VAV2: variants seen among roughly 807,000 people sequenced by gnomAD.
The protein encoded by VAV2 is guanine nucleotide exchange factor VAV2.
A neutral mutation model predicts 132.5 loss-of-function variants in VAV2; 67 were observed. The ratio of observed to expected loss-of-function variants is 0.51; its 90% CI spans 0.42 to 0.62. The LOEUF is 0.62. VAV2 is among the 20% of genes least tolerant of loss of function. The pLI is 0.00. For synonymous variants in VAV2, 492 were observed against 443.5 expected (o/e 1.11, Z -1.37); for missense variants, 938 against 1,153.6 (o/e 0.81, Z 2.71).
chr9:133,841,082 C>G (rs1349970865), intron 3 of VAV2, among the ~76,000 whole-genome samples: 1 of 152,124 alleles, frequency 6.6e-6, no homozygotes, highest in South Asian at 2.1e-4. Context: ...GGACCCTAAA[C>G]ACAGCTGCCC....
At chr9:133,937,612 T>A (rs975570405) in intron 2 of VAV2, among the ~76,000 whole-genome samples, 1 of 152,032 alleles carries the variant, frequency 6.6e-6, no homozygotes, top group Non-Finnish European at 1.5e-5. Context: ...TTACCCAGGG[T>A]GCTGCAGGCA....
intron 2 of VAV2, among the ~76,000 whole-genome samples, chr9:133,905,506 T>C (rs1017669188): frequency 6.6e-6 from 1 of 150,388 alleles, no homozygotes; most frequent in Non-Finnish European, 1.5e-5. Context: ...ACCAAGGACA[T>C]GATGCCATCC....
intron 2 of VAV2, among the ~76,000 whole-genome samples, chr9:133,934,213 CT>C (rs56054201): frequency 0.81 from 123,471 of 152,014 alleles, 51,533 homozygotes; most frequent in East Asian, 0.93. Flanking sequence ...ACATGAGAGA[CT>C]TGGGGAGCCG....
intron 1 of VAV2, among the ~76,000 whole-genome samples, chr9:133,968,741 T>G (rs1178672793): frequency 2.0e-5 from 3 of 152,122 alleles, no homozygotes; most frequent in Non-Finnish European, 2.9e-5. Flanking sequence ...CATGGCACTG[T>G]CCTCTGTCAG....
At chr9:133,907,879 T>G (rs1338981570) in intron 2 of VAV2, among the ~76,000 whole-genome samples, 1 of 7,204 alleles carries the variant, frequency 1.4e-4, no homozygotes, top group Non-Finnish European at 2.7e-4. Flanking sequence ...TTTACCGCCC[T>G]CCCCCAGAGA....
rs1479254746 is a variant in VAV2, at chr9:133,885,072, A to G, written c.322-23640T>C. ...CCACAGTGACAGGCAGAGCCTAGATAAGTTGGGCCCTTCTGGAGGGTTCTC... is the reference window on the plus strand; with the variant it reads ...CCACAGTGACAGGCAGAGCCTAGATGAGTTGGGCCCTTCTGGAGGGTTCTC... On this transcript the variant is annotated intron_variant, in intron 2 of 29. Coordinates refer to ENST00000371850, the MANE Select transcript of VAV2 (RefSeq NM_001134398.2). This position sits in a 1 kb window ranked among gnomAD's most constrained non-coding sequence, Gnocchi z 5.0. Among the ~76,000 whole-genome samples, 1 of 152,236 alleles carries G rather than the reference A, an allele frequency of 6.6e-6. No individual in the cohort carries two copies. The highest frequency in any genetic ancestry group is 1.5e-5 in the Non-Finnish European group (1 of 68,038).
At chr9:133,948,468 CCAG>C (rs1028143201) in intron 1 of VAV2, among the ~76,000 whole-genome samples, 1 of 152,132 alleles carries the variant, frequency 6.6e-6, no homozygotes, top group African/African-American at 2.4e-5. Context: ...AGCCTTGCCC[CCAG>C]GTCAGGGGCA....
At chr9:133,855,871 T>C (rs1377576063) in intron 3 of VAV2, among the ~76,000 whole-genome samples, 1 of 152,196 alleles carries the variant, frequency 6.6e-6, no homozygotes, top group Non-Finnish European at 1.5e-5. Flanking sequence ...GTCACAGCAA[T>C]GCTAGTCACA....
Position 133,840,593 on chromosome 9 carries a change from C to T in VAV2, c.381-6253G>A, listed in dbSNP as rs370472916. Among the ~76,000 whole-genome samples the T allele has an allele frequency of 2.3e-4, 35 of 152,310 alleles. No individual in the cohort carries two copies. The East Asian group carries it at 5.2e-3, about 23-fold the overall frequency. On this transcript the variant is annotated intron_variant, in intron 3 of 29. Coordinates refer to ENST00000371850, the MANE Select transcript of VAV2 (RefSeq NM_001134398.2). The surrounding 1 kb of genome is among the most constrained non-coding windows in gnomAD (Gnocchi z 4.5). ...AGAACACCCTACAGGGGTGCCCAAA[C>T]CCAAACCCCGAAGGAAGAGCAGAGG...
intron 2 of VAV2, among the ~76,000 whole-genome samples, chr9:133,886,167 C>G (rs1838695942): frequency 6.6e-6 from 1 of 152,044 alleles, no homozygotes; most frequent in African/African-American, 2.4e-5. Context: ...CATGTGGGAC[C>G]CAGGGTCCCA....
At chr9:133,797,570 C>T in intron 10 of VAV2, 140 bp downstream of exon 10, 1 of 763,632 alleles carries the variant, frequency 1.3e-6, no homozygotes, top group South Asian at 1.9e-5. Flanking sequence ...AAAGAAAAAT[C>T]TACAAAAAAC....
At chr9:133,907,377 T>TCAA (rs1353150454) in intron 2 of VAV2, among the ~76,000 whole-genome samples, 1 of 152,134 alleles carries the variant, frequency 6.6e-6, no homozygotes, top group Non-Finnish European at 1.5e-5. Context: ...CCATCACGGT[T>TCAA]CAAGCCCAGG....
rs549758329 is a variant in VAV2, at chr9:133,768,400, G to A, written c.2589+42C>T. On this transcript the variant is annotated intron_variant, in intron 29 of 29. Coordinates refer to ENST00000371850, the MANE Select transcript of VAV2 (RefSeq NM_001134398.2). This position sits in a 1 kb window ranked among gnomAD's most constrained non-coding sequence, Gnocchi z 5.3. ...GCCTGAGCCCGACCAGGTAGGGGCT[G>A]CAGCGAGGCCAGCCCCACACCCTCA... is the stretch of plus-strand genomic sequence containing the variant. The A allele has an allele frequency of 1.3e-6, 2 of 1,598,990 alleles. No individual in the cohort carries two copies. The highest frequency in any genetic ancestry group is 1.7e-6 in the Non-Finnish European group (2 of 1,175,074).
intron 2 of VAV2, among the ~76,000 whole-genome samples, chr9:133,864,852 A>G (rs1837738912): frequency 6.6e-6 from 1 of 152,198 alleles, no homozygotes; most frequent in Non-Finnish European, 1.5e-5. Context: ...AGGGAAGCAG[A>G]GGGTTCAGGA....
chr9:133,896,379 G>A (rs1300948997), intron 2 of VAV2, among the ~76,000 whole-genome samples: 1 of 152,126 alleles, frequency 6.6e-6, no homozygotes, highest in Non-Finnish European at 1.5e-5. Context: ...TCTTGAACCC[G>A]GGAGGCAGAG....
intron 1 of VAV2, among the ~76,000 whole-genome samples, chr9:133,963,725 G>A (rs1181494586): frequency 6.6e-6 from 1 of 152,082 alleles, no homozygotes; most frequent in African/African-American, 2.4e-5. Flanking sequence ...TGTATCGCCA[G>A]GGGAAAAAAT....
chr9:133,973,936 C>T (rs1442103972), intron 1 of VAV2, among the ~76,000 whole-genome samples: 1 of 152,184 alleles, frequency 6.6e-6, no homozygotes, highest in African/African-American at 2.4e-5. Context: ...AAAATGAGGA[C>T]GTGGAAGCAG....
chr9:133,878,483 C>T (rs911899548), intron 2 of VAV2, among the ~76,000 whole-genome samples: 7 of 152,334 alleles, frequency 4.6e-5, no homozygotes, highest in African/African-American at 1.4e-4. Context: ...GAGATGGGGG[C>T]AGCGGCACCC....
intron 2 of VAV2, among the ~76,000 whole-genome samples, chr9:133,872,834 A>G (rs1269957578): frequency 1.3e-5 from 2 of 151,930 alleles, no homozygotes; most frequent in African/African-American, 2.4e-5. Context: ...AGAAAAGCAC[A>G]CAAGGGGGTG....
Sources: gnomAD v4.1 joint callset for allele counts (sites outside exome capture counted in the v4.1 genomes callset) on GRCh38, gnomAD v4.1.1 for gene constraint, Gnocchi (gnomAD v3.1) non-coding constraint, MANE v1.5 for transcripts, NCBI Gene and HGNC (gene_info 2026-07-23, HGNC 2026-07-21) for gene names.